ZBTB40: variants seen among roughly 807,000 people sequenced by gnomAD.
The protein encoded by ZBTB40 is zinc finger and BTB domain containing 40, also known as zinc finger and BTB domain-containing protein 40.
In ZBTB40, 60 loss-of-function variants were observed where a neutral mutation model predicts 117.5. The observed-to-expected ratio is 0.51, with a 90% CI of 0.41 to 0.63. ZBTB40 has a LOEUF of 0.63. Among genes scored for constraint, ZBTB40 ranks in the 30% least tolerant of loss-of-function variants. ZBTB40 has a pLI of 0.00. For missense variants in ZBTB40, 1,287 were observed against 1,498.5 expected (o/e 0.86, Z 2.33); for synonymous variants, 525 against 577.1 (o/e 0.91, Z 1.29).
intron 1 of ZBTB40, among the ~76,000 whole-genome samples, chr1:22,478,472 C>G (rs1485336900): frequency 6.6e-6 from 1 of 152,154 alleles, no homozygotes; most frequent in Non-Finnish European, 1.5e-5. Context: ...TGGTCTTGAT[C>G]TCCTGACCTC....
intron 1 of ZBTB40, among the ~76,000 whole-genome samples, chr1:22,461,760 A>C (rs998715485): frequency 2.0e-5 from 3 of 152,170 alleles, no homozygotes; most frequent in Non-Finnish European, 4.4e-5. Flanking sequence ...ATTTAAGCTG[A>C]AAGTGGTCTC....
intron 11 of ZBTB40, 123 bp from the exon 12 acceptor site, chr1:22,512,800 TG>T: frequency 2.6e-6 from 3 of 1,140,500 alleles, no homozygotes; most frequent in Non-Finnish European, 3.9e-6. Context: ...CCTGGCACCC[TG>T]GGCTTCATGC....
intron 3 of ZBTB40, among the ~76,000 whole-genome samples, chr1:22,497,870 G>C (rs1638820288): frequency 6.6e-6 from 1 of 152,172 alleles, no homozygotes; most frequent in Non-Finnish European, 1.5e-5. Context: ...TGAGGAAGAA[G>C]GTAGATGGCA....
rs1339621632 is a variant in ZBTB40 at position 22,513,570 on chromosome 1, G to A, written c.2668+440G>A. On this transcript the variant is annotated intron_variant, in intron 12 of 17. Transcript: ENST00000375647. The surrounding 1 kb of genome is among the most constrained non-coding windows in gnomAD (Gnocchi z 4.9). ...CAAAAAATTAGCCAGGCGTGGTGGC[G>A]GGCACCTGGAGTCTCAGCTACTCGG... Among the ~76,000 whole-genome samples the A allele has an allele frequency of 2.0e-5, 3 of 152,040 alleles. No homozygotes were observed. The highest frequency in any genetic ancestry group is 7.2e-5 in the African/African-American group (3 of 41,406).
chr1:22,514,655 G>T (rs760838818), intron 12 of ZBTB40, among the ~76,000 whole-genome samples: 19 of 152,086 alleles, frequency 1.2e-4, no homozygotes, highest in Non-Finnish European at 2.2e-4. Flanking sequence ...CCTCTGTAAG[G>T]TCTCAGCACC....
chr1:22,521,425 C>A, intron 14 of ZBTB40, 71 bp from the exon 15 acceptor site: 1 of 1,592,560 alleles, frequency 6.3e-7, no homozygotes, highest in Non-Finnish European at 8.6e-7. Context: ...TTCTTTCTCT[C>A]ATGAGAGCCT....
chr1:22,462,546 A>G (rs761233913), intron 1 of ZBTB40, among the ~76,000 whole-genome samples: 2 of 152,206 alleles, frequency 1.3e-5, no homozygotes, highest in African/African-American at 4.8e-5. Flanking sequence ...CACTTAGAAT[A>G]TATATCTAAG....
chr1:22,444,774 G>T (rs1640770037), intron 1 of ZBTB40, among the ~76,000 whole-genome samples: 1 of 152,174 alleles, frequency 6.6e-6, no homozygotes, highest in Non-Finnish European at 1.5e-5. Context: ...GAGCATGCTG[G>T]TCTATAAAAT....
Position 22,505,825 on chromosome 1 carries a change from T to C in ZBTB40, c.1168-224T>C, listed in dbSNP as rs574522616. Among the ~76,000 whole-genome samples the C allele has an allele frequency of 1.6e-4, 25 of 152,240 alleles. No homozygotes were observed. In the East Asian group the frequency reaches 2.3e-3, roughly 14 times the overall value. On this transcript the variant is annotated intron_variant, in intron 5 of 17. Coordinates refer to ENST00000375647, the MANE Select transcript of ZBTB40 (RefSeq NM_014870.4). The stretch of plus-strand genomic sequence containing the variant: ...CAGAGCAGATACACAGACCTGCAAT[T>C]GAGAAAGAAAGATTTTCACAGTTAT...
At chr1:22,477,606 G>A (rs1317355421) in intron 1 of ZBTB40, among the ~76,000 whole-genome samples, 1 of 148,070 alleles carries the variant, frequency 6.8e-6, no homozygotes, top group African/African-American at 2.5e-5. Flanking sequence ...CTGAGATCGC[G>A]CCACTGCACT....
chr1:22,491,872 A>G (rs1438065997), intron 3 of ZBTB40, among the ~76,000 whole-genome samples: 1 of 152,210 alleles, frequency 6.6e-6, no homozygotes, highest in Non-Finnish European at 1.5e-5. Context: ...TTAAACCATT[A>G]AAATTAAAAC....
intron 1 of ZBTB40, among the ~76,000 whole-genome samples, chr1:22,469,363 T>C (rs1486471028): frequency 6.6e-6 from 1 of 152,118 alleles, no homozygotes; most frequent in Non-Finnish European, 1.5e-5. Context: ...GGATAGAGTG[T>C]GGTGTCTGTT....
rs760226190 is a variant in ZBTB40 at position 22,512,942 on chromosome 1, T to C, written c.2480T>C (p.Leu827Pro). 1.2e-6 allele frequency: 2 copies of C among 1,614,118 alleles called. No individual in the cohort carries two copies. The highest frequency in any genetic ancestry group is 1.7e-6 in the Non-Finnish European group (2 of 1,180,048). ...TCCCTAGGCATGCAGTACCATAAGC[T>C]GACAGAGCACTTCGATGAGAAGCCT... Reference protein sequence around the residue: ...AHASGMQYHKLTEHFDEKPFS... With the variant: ...AHASGMQYHKPTEHFDEKPFS... Residue 827 changes from leucine to proline, a missense_variant, in exon 12 of 18, where the codon CTG becomes CCG. Leu to Pro is a moderately conservative substitution (Grantham distance 98). This residue lies in a region of ZBTB40 where 417 missense variants were observed against 564.1 expected (regional missense o/e 0.74). Transcript: ENST00000375647.
chr1:22,493,660 C>A (rs1023562101), intron 3 of ZBTB40, among the ~76,000 whole-genome samples: 1 of 152,138 alleles, frequency 6.6e-6, no homozygotes, highest in Non-Finnish European at 1.5e-5. Context: ...TACCCATGCC[C>A]TGGGTAACCA....
intron 12 of ZBTB40, among the ~76,000 whole-genome samples, chr1:22,516,995 G>T (rs1304476448): frequency 6.6e-6 from 1 of 152,144 alleles, no homozygotes; most frequent in Non-Finnish European, 1.5e-5. Context: ...TCTGGTTGCG[G>T]GAGTAGAGTG....
chr1:22,431,384 GTATATATA>G (rs59021263), intron 1 of ZBTB40, among the ~76,000 whole-genome samples: 10 of 119,698 alleles, frequency 8.4e-5, no homozygotes, highest in Non-Finnish European at 1.1e-4. Context: ...GTGTGTGTGT[GTATATATA>G]TATATATATA....
chr1:22,508,149 A>C lies in ZBTB40; in HGVS notation c.1497+12A>C. The C allele has an allele frequency of 6.2e-7, 1 of 1,613,226 alleles. No individual in the cohort carries two copies. The highest frequency in any genetic ancestry group is 8.5e-7 in the Non-Finnish European group (1 of 1,179,800). On this transcript the variant is annotated intron_variant, in intron 7 of 17. Coordinates refer to ENST00000375647, the MANE Select transcript of ZBTB40 (RefSeq NM_014870.4). ...CTGGAGAAAGAGAGGTAAGAGAGGG[A>C]GAGAAACAGAGGGAGGGGAGGGTAA...
intron 1 of ZBTB40, among the ~76,000 whole-genome samples, chr1:22,439,418 A>G (rs1640707443): frequency 6.6e-6 from 1 of 152,176 alleles, no homozygotes; most frequent in Admixed American, 6.5e-5. Context: ...CCATTACCAA[A>G]TCAATGTTGC....
Position 22,522,462 on chromosome 1 carries a change from A to G in ZBTB40, c.3297A>G (p.Ser1099=), listed in dbSNP as rs1639555592. 1.2e-6 allele frequency: 2 copies of G among 1,614,074 alleles called. No individual in the cohort carries two copies. Among genetic ancestry groups the G allele is most frequent in the Non-Finnish European group, 1.7e-6 (2 of 1,180,018 alleles). ...LLQVHVKCQH[S]GSQPFRCLYC... is the part of the protein sequence containing the mutation. ...AGGTTCATGTCAAGTGCCAGCATTC[A>G]GGTCAGTACCCCTGTCAGCATACTT... The change falls in exon 16 of 18, where the codon TCA becomes TCG. Residue 1099 remains serine (S), a splice_region_variant and synonymous_variant. Transcript: ENST00000375647.
Sources: gnomAD v4.1 joint callset for allele counts (sites outside exome capture counted in the v4.1 genomes callset) on GRCh38, gnomAD v4.1.1 for gene constraint, gnomAD v4.1.1 regional missense constraint, Gnocchi (gnomAD v3.1) non-coding constraint, MANE v1.5 for transcripts, NCBI Gene and HGNC (gene_info 2026-07-23, HGNC 2026-07-21) for gene names.